Variants in ULK4 observed in about 807,000 individuals in gnomAD.
The protein encoded by ULK4 is unc-51 like kinase 4, also known as inactive serine/threonine-protein kinase ULK4.
Under a neutral mutation model 160.6 loss-of-function variants are expected in ULK4, and 133 were observed. The ratio of observed to expected loss-of-function variants is 0.83; its 90% confidence interval spans 0.72 to 0.96. The LOEUF is 0.96. Ranked by LOEUF, ULK4 falls within the 40% of genes least tolerant of loss-of-function variation. The pLI is 0.00. For missense variants in ULK4, 1,580 were observed against 1,499.5 expected, an observed-to-expected ratio of 1.05 and a Z score of -0.89; for synonymous variants, 534 against 539.8, an observed-to-expected ratio of 0.99 and a Z score of 0.15.
intron 35 of ULK4, among the ~76,000 whole-genome samples, chr3:41,292,922 C>T (rs974355154): frequency 9.9e-5 from 15 of 151,182 alleles, no homozygotes; most frequent in East Asian, 5.8e-4. Flanking sequence ...CCAGCCTGGG[C>T]GACAGAGCAA....
chr3:41,547,257 T>C (rs541759888), intron 32 of ULK4, among the ~76,000 whole-genome samples: 2 of 152,310 alleles, frequency 1.3e-5, no homozygotes, highest in African/African-American at 4.8e-5. Flanking sequence ...GATTTCAAGA[T>C]GGCTGACTAA....
chr3:41,306,633 C>G (rs546023536), intron 35 of ULK4, among the ~76,000 whole-genome samples: 1 of 151,980 alleles, frequency 6.6e-6, no homozygotes, highest in African/African-American at 2.4e-5. Flanking sequence ...GCCACCACCC[C>G]GTCTGGGAGG....
At chr3:41,561,080 T>C (rs1437044303) in intron 32 of ULK4, among the ~76,000 whole-genome samples, 1 of 152,240 alleles carries the variant, frequency 6.6e-6, no homozygotes, top group Non-Finnish European at 1.5e-5. Context: ...TGAAGGACTG[T>C]TGAATCTTCT....
At chr3:41,675,331 T>C (rs1231588628) in intron 29 of ULK4, among the ~76,000 whole-genome samples, 2 of 151,888 alleles carry the variant, frequency 1.3e-5, no homozygotes, top group African/African-American at 4.8e-5. Flanking sequence ...GGTTCACACC[T>C]ATAATCCCAG....
intron 35 of ULK4, among the ~76,000 whole-genome samples, chr3:41,329,256 C>A (rs1375788300): frequency 6.6e-6 from 1 of 152,150 alleles, no homozygotes; most frequent in East Asian, 1.9e-4. Flanking sequence ...TGGGGAACAT[C>A]AACTGGCTAC....
chr3:41,380,307 G>T (rs541720434), intron 35 of ULK4, among the ~76,000 whole-genome samples: 1 of 152,166 alleles, frequency 6.6e-6, no homozygotes, highest in African/African-American at 2.4e-5. Flanking sequence ...TTATGATGGG[G>T]CTGGAAAGGT....
At chr3:41,816,931 A>T (rs745660155) in intron 19 of ULK4, among the ~76,000 whole-genome samples, 1 of 152,200 alleles carries the variant, frequency 6.6e-6, no homozygotes, top group Non-Finnish European at 1.5e-5. Context: ...ACACATGCGC[A>T]CACACAGAGC....
At chr3:41,909,954 T>C (rs1306353597) in intron 11 of ULK4, among the ~76,000 whole-genome samples, 1 of 152,200 alleles carries the variant, frequency 6.6e-6, no homozygotes, top group Non-Finnish European at 1.5e-5. Flanking sequence ...TGGAGCGCGA[T>C]GGCGCGATCT....
chr3:41,722,186 C>T (rs2037494384), intron 22 of ULK4, among the ~76,000 whole-genome samples: 1 of 152,160 alleles, frequency 6.6e-6, no homozygotes, highest in Admixed American at 6.5e-5. Context: ...ACTTGGGATA[C>T]TGCTTTCTTG....
At chr3:41,773,205 T>G (rs973516364) in intron 21 of ULK4, among the ~76,000 whole-genome samples, 16 of 152,184 alleles carry the variant, frequency 1.1e-4, no homozygotes, top group Admixed American at 9.2e-4. Flanking sequence ...AACATAGTGT[T>G]GGAAGTTCTG....
At chr3:41,588,643 C>A (rs1219025512) in intron 31 of ULK4, among the ~76,000 whole-genome samples, 7 of 152,104 alleles carry the variant, frequency 4.6e-5, no homozygotes, top group African/African-American at 1.7e-4. Context: ...AATAACAAGA[C>A]CTTATTCCCT....
intron 35 of ULK4, 123 bp downstream of exon 35, chr3:41,397,956 G>A: frequency 3.7e-6 from 4 of 1,090,462 alleles, no homozygotes; most frequent in African/African-American, 1.6e-5. Context: ...GTGACTGGGA[G>A]TTCTTGACAA....
At chr3:41,290,593 A>AGG (rs61440198) in intron 35 of ULK4, among the ~76,000 whole-genome samples, 1 of 152,052 alleles carries the variant, frequency 6.6e-6, no homozygotes, top group Admixed American at 6.5e-5. Flanking sequence ...TTCCACTGGG[A>AGG]GGGGGTTCTG....
intron 17 of ULK4, among the ~76,000 whole-genome samples, chr3:41,868,036 A>T (rs1412247898): frequency 6.6e-6 from 1 of 152,214 alleles, no homozygotes. Context: ...ATGGCCAAGA[A>T]TATGGTCTGT....
chr3:41,828,420 C>A (rs369515237), intron 18 of ULK4, among the ~76,000 whole-genome samples: 7 of 148,562 alleles, frequency 4.7e-5, no homozygotes, highest in East Asian at 1.9e-4. Context: ...AGCCCAAAAT[C>A]TCCTTAAGCT....
Position 41,409,550 on chromosome 3 carries a change from A to T in ULK4, c.3493-11286T>A, listed in dbSNP as rs146469601. ...AACTCACTAATTTTAAAAATAATCC[A>T]ATTTTTTAATGAGCAAAGACTTTAA... is the stretch of plus-strand genomic sequence containing the variant. On this transcript the variant is annotated intron_variant, in intron 34 of 36. Transcript: ENST00000301831. 2.2e-3 allele frequency among the ~76,000 whole-genome samples: 332 copies of T among 152,322 alleles called. 5 individuals are homozygous for T. Among genetic ancestry groups the T allele is most frequent in the African/African-American group, 7.9e-3 (327 of 41,564 alleles).
intron 17 of ULK4, among the ~76,000 whole-genome samples, chr3:41,846,928 TG>T (rs1358312139): frequency 6.6e-6 from 1 of 152,200 alleles, no homozygotes; most frequent in Non-Finnish European, 1.5e-5. Flanking sequence ...GGTTTTTTGG[TG>T]TTATTTCTAA....
intron 19 of ULK4, among the ~76,000 whole-genome samples, chr3:41,816,068 T>C (rs936932178): frequency 6.6e-6 from 1 of 151,996 alleles, no homozygotes; most frequent in Admixed American, 6.6e-5. Flanking sequence ...CTGGGCAACA[T>C]AGCAAGATTG....
intron 32 of ULK4, among the ~76,000 whole-genome samples, chr3:41,487,577 A>C (rs1270379202): frequency 6.6e-6 from 1 of 152,178 alleles, no homozygotes; most frequent in Non-Finnish European, 1.5e-5. Flanking sequence ...ATTCTTGTAT[A>C]AACAGAGGTT....
Sources: allele counts gnomAD v4.1 joint callset (sites outside exome capture counted in the v4.1 genomes callset), GRCh38; gene constraint gnomAD v4.1.1; transcripts MANE v1.5; gene names NCBI Gene and HGNC (gene_info 2026-07-23, HGNC 2026-07-21).